The following RARB variants were observed in gnomAD, a reference collection of about 807,000 sequenced individuals.
RARB encodes HBV-activated protein.
RARB carries 17 observed loss-of-function variants against 51.9 expected under a neutral mutation model. That is an observed-to-expected ratio of 0.33 (90% CI 0.22 to 0.49). The LOEUF is 0.49. RARB is among the 20% of genes least tolerant of loss of function. The probability of loss-of-function intolerance (pLI) is 0.99; values close to 1 mark genes in which losing one functional copy is unlikely to be tolerated. For missense variants in RARB, 369 were observed against 550.8 expected (o/e 0.67, Z 3.30); for synonymous variants, 215 against 195.4 (o/e 1.10, Z -0.84).
At position 25,323,635 on chromosome 3, in the gene RARB, A is replaced by G. The variant is rs574501574; in HGVS notation, c.179-137558A>G. Among the ~76,000 whole-genome samples the G allele has an allele frequency of 6.6e-5, 10 of 152,312 alleles. No homozygotes were observed. In the South Asian group the frequency reaches 1.5e-3, roughly 22 times the overall value. On this transcript the variant is annotated intron_variant, in intron 5 of 11. Transcript: ENST00000383772. ...TCCATTTTGATATGAAACATTTTCC[A>G]TAACTTAGCTCTAGTTTAGAACTCT...
At chr3:25,586,817 G>A (rs1478729778) in intron 5 of RARB, among the ~76,000 whole-genome samples, 1 of 152,224 alleles carries the variant, frequency 6.6e-6, no homozygotes, top group Non-Finnish European at 1.5e-5. Flanking sequence ...CTGGTGGGGA[G>A]CGAGCTCTGG....
At chr3:25,041,388 T>C (rs548760486) in intron 2 of RARB, among the ~76,000 whole-genome samples, 2 of 152,342 alleles carry the variant, frequency 1.3e-5, no homozygotes, top group Admixed American at 6.5e-5. Context: ...GAATTTTTAC[T>C]TGGAAAGTTC....
intron 5 of RARB, among the ~76,000 whole-genome samples, chr3:25,233,843 G>A (rs112642908): frequency 6.6e-6 from 1 of 151,296 alleles, no homozygotes; most frequent in African/African-American, 2.4e-5. Context: ...AGATCATATG[G>A]TTCATCTTCC....
chr3:25,542,887 A>G (rs2125657211), intron 3 of RARB, among the ~76,000 whole-genome samples: 1 of 152,286 alleles, frequency 6.6e-6, no homozygotes, highest in South Asian at 2.1e-4. Flanking sequence ...GTTTGCAGAT[A>G]GGGAATCAGA....
intron 5 of RARB, among the ~76,000 whole-genome samples, chr3:25,305,440 A>T (rs1240538101): frequency 1.3e-5 from 2 of 152,208 alleles, no homozygotes; most frequent in African/African-American, 4.8e-5. Flanking sequence ...CCCAAAAGGC[A>T]AAAACCACAG....
chr3:24,871,324 G>C lies in RARB; in HGVS notation c.-380+12572G>C, dbSNP rs373895097. Among the ~76,000 whole-genome samples the C allele has an allele frequency of 1.9e-4, 29 of 152,220 alleles. No individual in the cohort carries two copies. In the East Asian group the frequency reaches 3.1e-3, roughly 16 times the overall value. On this transcript the variant is annotated intron_variant, in intron 2 of 11. Transcript: ENST00000383772. ...AGACGACATAGTTTTAAAATCTCTT[G>C]ATGGTCAATCAAATGGTCAATTCTC... is the stretch of plus-strand genomic sequence containing the variant.
chr3:25,088,786 T>A (rs763587185), intron 3 of RARB, among the ~76,000 whole-genome samples: 2 of 152,096 alleles, frequency 1.3e-5, no homozygotes, highest in Non-Finnish European at 2.9e-5. Flanking sequence ...TTATTAGTAT[T>A]GAAAAGCCGC....
At position 25,107,600 on chromosome 3, in the gene RARB, C is replaced by T. The variant is rs144142753; in HGVS notation, c.-327-24561C>T. On this transcript the variant is annotated intron_variant, in intron 3 of 11. Coordinates refer to the RARB transcript ENST00000383772. ...AAGACCCCCAGTGGATGCCTGAAAC[C>T]ACAAGTAGTACTGAACCCTATAAAT... Among the ~76,000 whole-genome samples the T allele has an allele frequency of 3.8e-3, 584 of 152,202 alleles. 8 individuals are homozygous for T. Among genetic ancestry groups the T allele is most frequent in the East Asian group, 1.9e-3 (10 of 5,184 alleles).
At chr3:25,106,473 G>GTTTTTTTTTTTTT (rs1366761121) in intron 3 of RARB, among the ~76,000 whole-genome samples, 1 of 111,688 alleles carries the variant, frequency 9.0e-6, no homozygotes, top group African/African-American at 3.7e-5. Flanking sequence ...TTTTTGTTTT[G>GTTTTTTTTTTTTT]TTTTTTTTTT....
At chr3:25,420,017 C>A (rs974122786) in intron 5 of RARB, among the ~76,000 whole-genome samples, 5 of 152,090 alleles carry the variant, frequency 3.3e-5, no homozygotes, top group African/African-American at 9.7e-5. Context: ...TGGGTTTATA[C>A]CCTGATGTTT....
intron 2 of RARB, among the ~76,000 whole-genome samples, chr3:24,977,507 T>G (rs1207092658): frequency 6.6e-6 from 1 of 152,214 alleles, no homozygotes; most frequent in Non-Finnish European, 1.5e-5. Flanking sequence ...CTAGGTATTT[T>G]ATTCTCTTTG....
chr3:24,894,305 C>G (rs1233968444), intron 2 of RARB, among the ~76,000 whole-genome samples: 1 of 148,836 alleles, frequency 6.7e-6, no homozygotes, highest in Non-Finnish European at 1.5e-5. Flanking sequence ...ATCTAGTGGC[C>G]CCATCTTTGT....
At chr3:24,995,538 G>A (rs568035812) in intron 2 of RARB, among the ~76,000 whole-genome samples, 10 of 152,022 alleles carry the variant, frequency 6.6e-5, no homozygotes, top group South Asian at 4.1e-4. Flanking sequence ...GCATTCTTAC[G>A]TTGTTTCAGT....
chr3:25,313,354 GCAGATGCAT>G (rs1368309716), intron 5 of RARB, among the ~76,000 whole-genome samples: 1 of 152,188 alleles, frequency 6.6e-6, no homozygotes, highest in Non-Finnish European at 1.5e-5. Context: ...GACGGCCCTG[GCAGATGCAT>G]CAGTGGTTGA....
intron 2 of RARB, among the ~76,000 whole-genome samples, chr3:25,489,608 T>C (rs1313434952): frequency 6.6e-6 from 1 of 152,252 alleles, no homozygotes; most frequent in African/African-American, 2.4e-5. Context: ...GATCAATTGT[T>C]GCACTGTTGT....
chr3:25,336,426 T>A (rs916677078), intron 5 of RARB, among the ~76,000 whole-genome samples: 6 of 152,202 alleles, frequency 3.9e-5, no homozygotes, highest in African/African-American at 1.2e-4. Context: ...GTTAATAAAA[T>A]GTATTTTATT....
At chr3:25,565,210 C>G (rs1407838723) in intron 3 of RARB, among the ~76,000 whole-genome samples, 1 of 152,176 alleles carries the variant, frequency 6.6e-6, no homozygotes, top group African/African-American at 2.4e-5. Context: ...GACTGTATCA[C>G]TCACAGGATG....
intron 2 of RARB, among the ~76,000 whole-genome samples, chr3:24,898,893 G>T (rs896261865): frequency 2.6e-5 from 4 of 152,164 alleles, no homozygotes; most frequent in Non-Finnish European, 4.4e-5. Context: ...GAAGGGTTGT[G>T]TTTCTACTCA....
chr3:25,472,414 G>A (rs1465089009), intron 2 of RARB, among the ~76,000 whole-genome samples: 1 of 152,228 alleles, frequency 6.6e-6, no homozygotes, highest in Non-Finnish European at 1.5e-5. Flanking sequence ...AGTCGACTCA[G>A]AGATGTAGTC....
Sources: allele counts gnomAD v4.1 joint callset (sites outside exome capture counted in the v4.1 genomes callset), GRCh38; gene constraint gnomAD v4.1.1; transcripts MANE v1.5; gene names NCBI Gene and HGNC (gene_info 2026-07-23, HGNC 2026-07-21).